Variants in FOXK2 observed in about 807,000 individuals in gnomAD.
The protein encoded by FOXK2 is forkhead box protein K2.
FOXK2 carries 24 observed loss-of-function variants against 53.3 expected under a neutral mutation model. That is an observed-to-expected ratio of 0.45 (90% CI 0.33 to 0.63). The LOEUF (loss-of-function observed/expected upper bound fraction) is 0.63. Ranked by LOEUF, FOXK2 falls within the 30% of genes least tolerant of loss-of-function variation. FOXK2 has a pLI of 0.03. For synonymous variants in FOXK2, 505 were observed against 407.1 expected (o/e 1.24, Z -2.89); for missense variants, 952 against 910.5 (o/e 1.05, Z -0.59).
chr17:82,587,976 T>C (rs2045210017), intron 8 of FOXK2, among the ~76,000 whole-genome samples: 2 of 152,214 alleles, frequency 1.3e-5, no homozygotes, highest in South Asian at 2.1e-4. Context: ...ACTAAAACTG[T>C]CTCTGTGCCC....
At chr17:82,521,970 A>G (rs1384987786) in intron 1 of FOXK2, among the ~76,000 whole-genome samples, 2 of 146,592 alleles carry the variant, frequency 1.4e-5, no homozygotes, top group East Asian at 2.0e-4. Context: ...TGAAAATGCT[A>G]TTTATGTGTG....
chr17:82,525,732 T>C (rs976338371), intron 1 of FOXK2, among the ~76,000 whole-genome samples: 9 of 152,206 alleles, frequency 5.9e-5, no homozygotes, highest in Non-Finnish European at 1.5e-5. Context: ...CAAATATAAA[T>C]AGAACAAGTT....
chr17:82,553,005 G>A (rs2044691568), intron 1 of FOXK2, among the ~76,000 whole-genome samples: 1 of 152,120 alleles, frequency 6.6e-6, no homozygotes, highest in Non-Finnish European at 1.5e-5. Context: ...ACATGATCTC[G>A]GCTCATTGCA....
At chr17:82,590,570 C>A (rs1429820925) in intron 8 of FOXK2, among the ~76,000 whole-genome samples, 1 of 152,008 alleles carries the variant, frequency 6.6e-6, no homozygotes, top group African/African-American at 2.4e-5. Flanking sequence ...ATTTGTAGTT[C>A]TTTATTCATA....
chr17:82,529,982 G>C (rs2044457539), intron 1 of FOXK2, among the ~76,000 whole-genome samples: 1 of 152,172 alleles, frequency 6.6e-6, no homozygotes, highest in Non-Finnish European at 1.5e-5. Context: ...TTTATCTTTA[G>C]TGGGAAAAAA....
At chr17:82,527,962 G>A (rs1247186296) in intron 1 of FOXK2, among the ~76,000 whole-genome samples, 1 of 152,076 alleles carries the variant, frequency 6.6e-6, no homozygotes, top group African/African-American at 2.4e-5. Context: ...GGCCATTCAG[G>A]GCTAATTTAT....
At chr17:82,597,929 C>T (rs761395458) in intron 8 of FOXK2, among the ~76,000 whole-genome samples, 9 of 152,294 alleles carry the variant, frequency 5.9e-5, no homozygotes, top group African/African-American at 7.2e-5. Context: ...GGATTACAGG[C>T]GTGAGCCACC....
At position 82,600,183 on chromosome 17, in the gene FOXK2, C is replaced by T. The variant is rs183577055; in HGVS notation, c.1787-1120C>T. ...TGACAGCGTCTTCCAGAAATGCCGCCGCCCACAAGGAGGACTGGCCTGTGC... is the reference window on the plus strand; with the variant it reads ...TGACAGCGTCTTCCAGAAATGCCGCTGCCCACAAGGAGGACTGGCCTGTGC... On this transcript the variant is annotated intron_variant, in intron 8 of 8. Coordinates refer to ENST00000335255, the MANE Select transcript of FOXK2 (RefSeq NM_004514.4). The T allele has an allele frequency of 9.5e-3, 1,451 of 152,396 alleles. 10 individuals carry two copies. The highest frequency in any genetic ancestry group is 0.015 in the Non-Finnish European group (999 of 68,128). The allele number at this position is 152,396 out of a possible 1,614,324, so 9.4% of individuals were successfully genotyped here. A position where few individuals can be genotyped will look rare whatever the true frequency, so the allele number is the denominator to read the frequency against.
intron 5 of FOXK2, among the ~76,000 whole-genome samples, chr17:82,583,635 G>A (rs2045093141): frequency 1.4e-5 from 2 of 144,394 alleles, no homozygotes; most frequent in Non-Finnish European, 3.0e-5. Context: ...CTTATTTTTA[G>A]CTTCACTAAT....
Position 82,537,527 on chromosome 17 carries a change from G to A in FOXK2, c.419+17220G>A, listed in dbSNP as rs534112612. Among the ~76,000 whole-genome samples, 4 of 147,936 alleles carry A rather than the reference G, an allele frequency of 2.7e-5. No individual in the cohort carries two copies. The South Asian group carries it at 8.7e-4, about 32-fold the overall frequency. ...TCAGCTATTCAGGAGGCTAAGGCAGGAGAATTGCCTGAACCTGGGAAGTGG... is the reference window on the plus strand; with the variant it reads ...TCAGCTATTCAGGAGGCTAAGGCAGAAGAATTGCCTGAACCTGGGAAGTGG... On this transcript the variant is annotated intron_variant, in intron 1 of 8. Coordinates refer to ENST00000335255, the MANE Select transcript of FOXK2 (RefSeq NM_004514.4).
chr17:82,597,990 CTAAT>C (rs1164562551), intron 8 of FOXK2, among the ~76,000 whole-genome samples: 1 of 152,154 alleles, frequency 6.6e-6, no homozygotes, highest in Non-Finnish European at 1.5e-5. Context: ...CTACTGTTCT[CTAAT>C]TGACACAGAA....
intron 2 of FOXK2, among the ~76,000 whole-genome samples, chr17:82,566,685 C>G (rs556485693): frequency 1.3e-5 from 2 of 152,296 alleles, no homozygotes; most frequent in African/African-American, 4.8e-5. Flanking sequence ...ACAGCTGCCA[C>G]CCTGAGGTTG....
chr17:82,585,985 T>C lies in FOXK2; in HGVS notation c.1361T>C (p.Val454Ala), dbSNP rs2045135490. 1 of 1,612,704 alleles carries C rather than the reference T, an allele frequency of 6.2e-7. No homozygotes were observed. Among genetic ancestry groups the C allele is most frequent in the Non-Finnish European group, 8.5e-7 (1 of 1,179,980 alleles). Residue 454 changes from valine to alanine, a missense_variant, in exon 7 of 9, where the codon GTG becomes GCG. By Grantham distance (64) the Val-to-Ala change is moderately conservative. This residue lies in a region of FOXK2 where 551 missense variants were observed against 385.1 expected (regional missense o/e 1.43). Transcript: ENST00000335255. The part of the protein sequence containing the change: ...PQAIKPVTYT[V>A]ATPVTTSTSQ... ...GCCATCAAGCCTGTCACCTACACTG[T>C]GGCCACCCCAGTGACCACCTCGACC...
chr17:82,591,268 A>G (rs980163188), intron 8 of FOXK2, among the ~76,000 whole-genome samples: 1 of 151,976 alleles, frequency 6.6e-6, no homozygotes, highest in Non-Finnish European at 1.5e-5. Context: ...TCCTGCTTCC[A>G]TAGGGGTCTC....
intron 3 of FOXK2, among the ~76,000 whole-genome samples, chr17:82,569,285 G>A (rs774575554): frequency 1.3e-5 from 2 of 152,204 alleles, no homozygotes; most frequent in Non-Finnish European, 2.9e-5. Flanking sequence ...GGCCGACTAC[G>A]GCGTCTAACA....
chr17:82,603,719 G>GTTTTTT lies in FOXK2; in HGVS notation c.*2233_*2238dup, dbSNP rs10615625. On this transcript the variant is annotated 3_prime_UTR_variant, in exon 9 of 9. Coordinates refer to ENST00000335255, the MANE Select transcript of FOXK2 (RefSeq NM_004514.4). ...CAAATGGTAAAGAAGGGAGGAGGGT[G>GTTTTTT]TTTTTTTTTTTTTTTTTTGCCGTAG... is the stretch of plus-strand genomic sequence containing the variant. The GTTTTTT allele has an allele frequency of 7.2e-6, 1 of 138,772 alleles. No homozygotes were observed. Among genetic ancestry groups the GTTTTTT allele is most frequent in the African/African-American group, 2.7e-5 (1 of 37,370 alleles). The allele number at this position is 138,772 out of a possible 1,614,324, so 8.6% of individuals were successfully genotyped here. A position where few individuals can be genotyped will look rare whatever the true frequency, so the allele number is the denominator to read the frequency against.
chr17:82,554,130 C>T lies in FOXK2; in HGVS notation c.420-9224C>T, dbSNP rs190036841. Among the ~76,000 whole-genome samples the T allele has an allele frequency of 2.6e-5, 4 of 152,312 alleles. No individual in the cohort carries two copies. In the East Asian group the frequency reaches 7.7e-4, roughly 29 times the overall value. The stretch of plus-strand genomic sequence containing the variant: ...TACAGGCGTGAGCCACCGGACGTGG[C>T]CTCAAGTACTTTTTTGAAACTGGTT... On this transcript the variant is annotated intron_variant, in intron 1 of 8. Transcript: ENST00000335255.
At chr17:82,569,949 C>T (rs886749997) in intron 3 of FOXK2, among the ~76,000 whole-genome samples, 2 of 151,050 alleles carry the variant, frequency 1.3e-5, no homozygotes, top group Non-Finnish European at 3.0e-5. Flanking sequence ...AGGCTGGGCG[C>T]AGTGGCTCAC....
intron 1 of FOXK2, among the ~76,000 whole-genome samples, chr17:82,546,019 A>G (rs2044621427): frequency 6.7e-6 from 1 of 149,480 alleles, no homozygotes. Flanking sequence ...TATTTTAGGT[A>G]TTTTAGCAGG....
Sources: allele counts gnomAD v4.1 joint callset (sites outside exome capture counted in the v4.1 genomes callset), GRCh38; gene constraint gnomAD v4.1.1; regional missense constraint gnomAD v4.1.1; transcripts MANE v1.5; gene names NCBI Gene and HGNC (gene_info 2026-07-23, HGNC 2026-07-21).